Variants in ELK3 observed in about 807,000 individuals in gnomAD.
ELK3 encodes the protein ETS domain-containing protein Elk-3.
In ELK3, 10 loss-of-function variants were observed where a neutral mutation model predicts 28.9. The ratio of observed to expected loss-of-function variants is 0.35; its 90% confidence interval spans 0.21 to 0.59. ELK3 has a LOEUF of 0.59. Ranked by LOEUF, ELK3 falls within the 20% of genes least tolerant of loss-of-function variation. ELK3 has a pLI of 0.82. For synonymous variants in ELK3, 272 were observed against 243.5 expected, an observed-to-expected ratio of 1.12 and a Z score of -1.09; for missense variants, 463 against 517.3, an observed-to-expected ratio of 0.90 and a Z score of 1.02.
At chr12:96,205,059 T>A (rs934977061) in intron 1 of ELK3, among the ~76,000 whole-genome samples, 1 of 152,244 alleles carries the variant, frequency 6.6e-6, no homozygotes, top group African/African-American at 2.4e-5. Context: ...TTGGTGCTGC[T>A]CCTCTTTGCA....
rs74432014 is a variant in ELK3 at position 96,207,471 on chromosome 12, C to A, written c.-3+12766C>A. ...TGCAGAGTCACTGTTTTTTATAGTTCTCTTCCAAAGCGAATGTATTACCAT... is the reference window on the plus strand; with the variant it reads ...TGCAGAGTCACTGTTTTTTATAGTTATCTTCCAAAGCGAATGTATTACCAT... On this transcript the variant is annotated intron_variant, in intron 1 of 4. Coordinates refer to ENST00000228741, the MANE Select transcript of ELK3 (RefSeq NM_005230.4). Among the ~76,000 whole-genome samples, 615 of 152,306 alleles carry A rather than the reference C, an allele frequency of 4.0e-3. 9 individuals carry two copies. The highest frequency in any genetic ancestry group is 0.014 in the African/African-American group (589 of 41,568).
intron 2 of ELK3, among the ~76,000 whole-genome samples, chr12:96,229,747 G>A (rs1028768540): frequency 6.6e-5 from 10 of 151,972 alleles, no homozygotes; most frequent in African/African-American, 2.4e-4. Flanking sequence ...GGCCAGGCTG[G>A]TTTTGAACTC....
At chr12:96,197,811 C>A (rs1951482162) in intron 1 of ELK3, among the ~76,000 whole-genome samples, 1 of 152,076 alleles carries the variant, frequency 6.6e-6, no homozygotes, top group South Asian at 2.1e-4. Context: ...TTAAATAAGT[C>A]AAAAGTGCTA....
At chr12:96,227,854 A>T (rs1300742435) in intron 2 of ELK3, among the ~76,000 whole-genome samples, 1 of 151,976 alleles carries the variant, frequency 6.6e-6, no homozygotes, top group Non-Finnish European at 1.5e-5. Flanking sequence ...ATAATAGTAG[A>T]GTCTACACTG....
intron 4 of ELK3, among the ~76,000 whole-genome samples, chr12:96,262,893 G>C (rs1952004527): frequency 6.6e-6 from 1 of 151,384 alleles, no homozygotes; most frequent in Non-Finnish European, 1.5e-5. Context: ...GGTTCAAGTA[G>C]TCCTCCACTT....
In ELK3 at chr12:96,268,754, T is replaced by A. The variant is rs1375357998; in HGVS notation, c.*1574T>A. 4 of 152,240 alleles carry A rather than the reference T, an allele frequency of 2.6e-5. No homozygotes were observed. The highest frequency in any genetic ancestry group is 7.2e-5 in the African/African-American group (3 of 41,462). 9.4% of individuals were successfully genotyped at this position (152,240 alleles called of 1,614,324 possible). On this transcript the variant is annotated 3_prime_UTR_variant, in exon 5 of 5. Transcript: ENST00000228741. ...TTTCTTGAATTTTCAGAAAAAAATC[T>A]AGACTATTGCTTTGACACTTAGAAA...
intron 1 of ELK3, among the ~76,000 whole-genome samples, chr12:96,195,626 G>A (rs1003416798): frequency 9.2e-5 from 14 of 152,100 alleles, no homozygotes; most frequent in African/African-American, 3.1e-4. Flanking sequence ...AGCAAGAAAT[G>A]TTATTTCAGA....
intron 1 of ELK3, among the ~76,000 whole-genome samples, chr12:96,208,430 A>G (rs903741164): frequency 1.3e-5 from 2 of 152,278 alleles, no homozygotes; most frequent in Non-Finnish European, 2.9e-5. Flanking sequence ...TATAGAGAAG[A>G]TAAGAAAGTT....
intron 1 of ELK3, among the ~76,000 whole-genome samples, chr12:96,203,030 GC>G (rs566518618): frequency 7.2e-5 from 11 of 152,218 alleles, no homozygotes; most frequent in African/African-American, 2.6e-4. Context: ...CTACAGGCAT[GC>G]GCCACCCCAC....
chr12:96,241,349 C>T (rs1311103151), intron 2 of ELK3, among the ~76,000 whole-genome samples: 1 of 151,752 alleles, frequency 6.6e-6, no homozygotes, highest in South Asian at 2.1e-4. Context: ...CAAAACTTAT[C>T]GAAATATTTC....
At chr12:96,241,169 C>T (rs1273652761) in intron 2 of ELK3, among the ~76,000 whole-genome samples, 3 of 152,250 alleles carry the variant, frequency 2.0e-5, no homozygotes, top group African/African-American at 7.2e-5. Flanking sequence ...TTGTGTCTTT[C>T]ATGCCTGTGG....
rs1592692302 is a variant in ELK3 at position 96,259,712 on chromosome 12, T to C, written c.1003-19T>C. On this transcript the variant is annotated intron_variant, in intron 3 of 4. Coordinates refer to ENST00000228741, the MANE Select transcript of ELK3 (RefSeq NM_005230.4). ...TCAGGTGAACCTATATGAAGAAGTC[T>C]GTTTGCTTTACTTCCCAGACACCAA... 1.2e-6 allele frequency: 2 copies of C among 1,605,478 alleles called. No individual in the cohort carries two copies. The highest frequency in any genetic ancestry group is 2.7e-5 in the African/African-American group (2 of 74,920).
At chr12:96,194,844 G>C (rs1426985903) in intron 1 of ELK3, 139 bp downstream of exon 1, 1 of 141,388 alleles carries the variant, frequency 7.1e-6, no homozygotes, top group Non-Finnish European at 1.6e-5. Flanking sequence ...CCGGGGTGGG[G>C]GTGGCGGTGC....
intron 1 of ELK3, chr12:96,222,819 G>T (rs1298572867): frequency 2.0e-5 from 3 of 152,640 alleles, no homozygotes; most frequent in African/African-American, 7.2e-5. Context: ...GGTTTAATGG[G>T]CTCACAGTTC....
At chr12:96,215,289 A>G (rs1453991759) in intron 1 of ELK3, among the ~76,000 whole-genome samples, 1 of 152,218 alleles carries the variant, frequency 6.6e-6, no homozygotes, top group Non-Finnish European at 1.5e-5. Flanking sequence ...TTCGACTTCT[A>G]AGAATGGAGG....
At chr12:96,262,012 A>G (rs529802162) in intron 4 of ELK3, among the ~76,000 whole-genome samples, 54 of 126,272 alleles carry the variant, frequency 4.3e-4, no homozygotes, top group Middle Eastern at 8.5e-3. Flanking sequence ...AGGGCCTGAT[A>G]AAAACTTTTT....
At chr12:96,200,058 CTT>C (rs956619191) in intron 1 of ELK3, among the ~76,000 whole-genome samples, 10 of 151,934 alleles carry the variant, frequency 6.6e-5, no homozygotes, top group Admixed American at 2.6e-4. Context: ...GATACCTTCT[CTT>C]TTTATTTTTT....
At chr12:96,206,267 T>C (rs972228340) in intron 1 of ELK3, among the ~76,000 whole-genome samples, 1 of 152,178 alleles carries the variant, frequency 6.6e-6, no homozygotes, top group South Asian at 2.1e-4. Flanking sequence ...TTTTACCTAA[T>C]GAAAGGGGCA....
At chr12:96,201,061 T>C (rs1423455657) in intron 1 of ELK3, among the ~76,000 whole-genome samples, 4 of 152,238 alleles carry the variant, frequency 2.6e-5, no homozygotes, top group Non-Finnish European at 5.9e-5. Context: ...ACCATATAGA[T>C]TCTTAAACTT....
Sources: gnomAD v4.1 joint callset for allele counts (sites outside exome capture counted in the v4.1 genomes callset) on GRCh38, gnomAD v4.1.1 for gene constraint, MANE v1.5 for transcripts, NCBI Gene and HGNC (gene_info 2026-07-23, HGNC 2026-07-21) for gene names.